The following ANKRD17 variants were observed in gnomAD, a reference collection of about 807,000 sequenced individuals.
The protein encoded by ANKRD17 is ankyrin repeat domain-containing protein 17.
Under a neutral mutation model 229.7 loss-of-function variants are expected in ANKRD17, and 19 were observed. That is an observed-to-expected ratio of 0.08 (90% CI 0.06 to 0.12). ANKRD17 has a LOEUF of 0.12. ANKRD17 is among the 10% of genes least tolerant of loss of function. The probability of loss-of-function intolerance (pLI) is 1.00; values close to 1 mark genes in which losing one functional copy is unlikely to be tolerated. For synonymous variants in ANKRD17, 1,112 were observed against 1,146.1 expected (o/e 0.97, Z 0.60); for missense variants, 2,176 against 3,176.8 (o/e 0.68, Z 7.57).
intron 15 of ANKRD17, 82 bp downstream of exon 15, chr4:73,139,449 G>C (rs1346194190): frequency 1.3e-6 from 2 of 1,502,330 alleles, no homozygotes; most frequent in African/African-American, 2.8e-5. Flanking sequence ...CTCAAGTTGG[G>C]TAACGGCAAA....
chr4:73,202,036 T>C (rs1446901016), intron 1 of ANKRD17, among the ~76,000 whole-genome samples: 3 of 152,150 alleles, frequency 2.0e-5, no homozygotes, highest in Non-Finnish European at 4.4e-5. Context: ...GATGTGGCAC[T>C]TTATTAGCCA....
chr4:73,118,560 T>C, intron 22 of ANKRD17, 128 bp downstream of exon 22: 1 of 1,023,740 alleles, frequency 9.8e-7, no homozygotes, highest in Non-Finnish European at 1.4e-6. Flanking sequence ...ATAAGAGTAA[T>C]TATTTGCATA....
intron 1 of ANKRD17, among the ~76,000 whole-genome samples, chr4:73,225,882 AAAAG>A (rs1486508146): frequency 6.2e-5 from 9 of 145,654 alleles, no homozygotes; most frequent in South Asian, 2.2e-4. Context: ...AAAAAAAAAA[AAAAG>A]AAAGAAAAGA....
At chr4:73,078,939 GTAATTTTA>G (rs1721280954) in intron 30 of ANKRD17, 49 bp from the exon 31 acceptor site, 5 of 1,524,276 alleles carry the variant, frequency 3.3e-6, no homozygotes, top group Non-Finnish European at 4.4e-6. Flanking sequence ...TATAGAACAT[GTAATTTTA>G]TAAAACCAAA....
chr4:73,121,668 T>A lies in ANKRD17; in HGVS notation c.3584A>T (p.Tyr1195Phe). Residue 1195 changes from tyrosine to phenylalanine, a missense_variant, in exon 19 of 34, where the codon TAT becomes TTT. Physicochemically the swap from Tyr to Phe is conservative, Grantham distance 22 (BLOSUM62 3). This residue lies in a region of ANKRD17 where 178 missense variants were observed against 421.7 expected (regional missense o/e 0.42). Transcript: ENST00000358602. ...TPLSLAASGG[Y>F]VNIIKILLNA... Reference sequence around the variant, plus strand: ...TAGTAATATTTTGATGATGTTCACATAGCCACCAGAAGCAGCCAGACTTAG... The same window carrying A: ...TAGTAATATTTTGATGATGTTCACAAAGCCACCAGAAGCAGCCAGACTTAG... 1.2e-6 allele frequency: 2 copies of A among 1,613,804 alleles called. No homozygotes were observed. The highest frequency in any genetic ancestry group is 1.7e-6 in the Non-Finnish European group (2 of 1,179,802).
chr4:73,116,017 A>G (rs1473240773), intron 22 of ANKRD17, 101 bp from the exon 23 acceptor site: 9 of 948,470 alleles, frequency 9.5e-6, no homozygotes, highest in Admixed American at 7.1e-5. Context: ...GCCACAAAGT[A>G]AAGACTAAAT....
chr4:73,251,194 A>G, intron 1 of ANKRD17, among the ~76,000 whole-genome samples: 1 of 152,212 alleles, frequency 6.6e-6, no homozygotes, highest in African/African-American at 2.4e-5. Flanking sequence ...TATGCTTTCA[A>G]TAATTAGAGC....
In ANKRD17 at chr4:73,156,174, G is replaced by C; in HGVS notation, c.705-8C>G. On this transcript the variant is annotated splice_polypyrimidine_tract_variant and splice_region_variant and intron_variant, in intron 3 of 33. Coordinates refer to ENST00000358602, the MANE Select transcript of ANKRD17 (RefSeq NM_032217.5). ...GCTTCTGCCAAACTGCGGCTATTAC[G>C]GAAAGAATATCACAATACCAGAATA... 1 of 1,583,988 alleles carries C rather than the reference G, an allele frequency of 6.3e-7. No homozygotes were observed. The highest frequency in any genetic ancestry group is 8.5e-7 in the Non-Finnish European group (1 of 1,171,426).
chr4:73,243,011 C>T (rs537852794), intron 1 of ANKRD17, among the ~76,000 whole-genome samples: 37 of 151,980 alleles, frequency 2.4e-4, no homozygotes, highest in African/African-American at 8.2e-4. Flanking sequence ...CAATACTGGA[C>T]GAAGAAGGAT....
At chr4:73,171,178 G>GGGGAGAGAGAGA (rs1553928534) in intron 2 of ANKRD17, among the ~76,000 whole-genome samples, 12 of 104,500 alleles carry the variant, frequency 1.1e-4, no homozygotes, top group South Asian at 4.0e-4. Flanking sequence ...CTCAGAGGGG[G>GGGGAGAGAGAGA]GAGAGAGAGA....
Position 73,204,082 on chromosome 4 carries a change from G to A in ANKRD17, c.394-26549C>T, listed in dbSNP as rs112040973. Among the ~76,000 whole-genome samples, 971 of 151,956 alleles carry A rather than the reference G, an allele frequency of 6.4e-3. 13 individuals carry two copies. The highest frequency in any genetic ancestry group is 0.022 in the African/African-American group (925 of 41,486). On this transcript the variant is annotated intron_variant, in intron 1 of 33. Transcript: ENST00000358602. Reference sequence around the variant, plus strand: ...TGCTAAAAGATAAACAATCTTGTACGGGCGCGGTGGCTCACGCCTGTAATA... The same window carrying A: ...TGCTAAAAGATAAACAATCTTGTACAGGCGCGGTGGCTCACGCCTGTAATA...
rs751127159 is a variant in ANKRD17 at position 73,091,146 on chromosome 4, T to C, written c.6482A>G (p.Gln2161Arg). 1 of 1,614,192 alleles carries C rather than the reference T, an allele frequency of 6.2e-7. No individual in the cohort carries two copies. Among genetic ancestry groups the C allele is most frequent in the East Asian group, 2.2e-5 (1 of 44,878 alleles). ...STAPVTYPMP[Q>R]TPMGCPQPTP... is the part of the protein sequence containing the mutation. ...AGGCTGGGGGCATCCCATTGGTGTC[T>C]GAGGCATAGGGTAAGTCACTGGGGC... Residue 2161 changes from glutamine (Q) to arginine (R), a missense_variant, in exon 29 of 34, where the codon CAG becomes CGG. Physicochemically the swap from Gln to Arg is conservative, Grantham distance 43. Around this residue, in one of 18 missense-constraint regions of ANKRD17, gnomAD observed 424 missense variants for 454.0 expected, o/e 0.93. Coordinates refer to ENST00000358602, the MANE Select transcript of ANKRD17 (RefSeq NM_032217.5).
chr4:73,167,034 CTT>C (rs1313184091), intron 2 of ANKRD17, among the ~76,000 whole-genome samples: 1 of 151,940 alleles, frequency 6.6e-6, no homozygotes. Context: ...TTTAAACACT[CTT>C]AATTTACAGA....
intron 1 of ANKRD17, among the ~76,000 whole-genome samples, chr4:73,257,385 T>C (rs1745544996): frequency 6.6e-6 from 1 of 152,150 alleles, no homozygotes; most frequent in Admixed American, 6.5e-5. Flanking sequence ...AAAGTTATTA[T>C]GAAACCAGAT....
At chr4:73,207,570 G>A (rs930530000) in intron 1 of ANKRD17, among the ~76,000 whole-genome samples, 1 of 152,150 alleles carries the variant, frequency 6.6e-6, no homozygotes, top group African/African-American at 2.4e-5. Flanking sequence ...TTAAAAGAAT[G>A]GAGAAAGATA....
intron 21 of ANKRD17, among the ~76,000 whole-genome samples, chr4:73,119,435 C>T (rs926541200): frequency 2.0e-5 from 3 of 152,124 alleles, no homozygotes; most frequent in African/African-American, 4.8e-5. Context: ...CTCCAAAGAG[C>T]ATTTCCTTTG....
chr4:73,144,587 A>G (rs1730014513), intron 11 of ANKRD17, among the ~76,000 whole-genome samples, 158 bp downstream of exon 11: 1 of 152,176 alleles, frequency 6.6e-6, no homozygotes, highest in Non-Finnish European at 1.5e-5. Flanking sequence ...TGTGCATGGC[A>G]GGATGTTTAT....
intron 3 of ANKRD17, 51 bp downstream of exon 3, chr4:73,161,141 A>G (rs550646363): frequency 1.3e-5 from 20 of 1,593,272 alleles, no homozygotes; most frequent in Admixed American, 3.5e-5. Flanking sequence ...GCTATTTGTT[A>G]TTATTTTTAA....
chr4:73,157,171 A>G (rs943215482), intron 3 of ANKRD17, among the ~76,000 whole-genome samples: 1 of 152,212 alleles, frequency 6.6e-6, no homozygotes, highest in Non-Finnish European at 1.5e-5. Flanking sequence ...ATTTAATTAA[A>G]AAGTATAAAA....
Sources: gnomAD v4.1 joint callset for allele counts (sites outside exome capture counted in the v4.1 genomes callset) on GRCh38, gnomAD v4.1.1 for gene constraint, gnomAD v4.1.1 regional missense constraint, MANE v1.5 for transcripts, NCBI Gene and HGNC (gene_info 2026-07-23, HGNC 2026-07-21) for gene names.